NF1: variants seen among roughly 807,000 people sequenced by gnomAD.
NF1 encodes neurofibromin 1.
NF1 carries 122 observed loss-of-function variants against 325.7 expected under a neutral mutation model. That is an observed-to-expected ratio of 0.37 (90% CI 0.32 to 0.44). The LOEUF is 0.44. NF1 is among the 20% of genes least tolerant of loss of function. The pLI is 1.00. For synonymous variants in NF1, 1,091 were observed against 1,186.0 expected (o/e 0.92, Z 1.65); for missense variants, 2,140 against 3,415.4 (o/e 0.63, Z 9.31).
intron 47 of NF1, among the ~76,000 whole-genome samples, chr17:31,341,521 T>G (rs938376034): frequency 1.3e-5 from 2 of 151,620 alleles, no homozygotes; most frequent in African/African-American, 4.8e-5. Context: ...AGACCCTGTC[T>G]CCAAAAAAAA....
intron 36 of NF1, among the ~76,000 whole-genome samples, chr17:31,289,146 A>G (rs1359802930): frequency 6.6e-6 from 1 of 152,206 alleles, no homozygotes; most frequent in Non-Finnish European, 1.5e-5. Context: ...AGGGTTTGAG[A>G]GGGCAAGAAG....
At chr17:31,290,478 C>T (rs2068324145) in intron 36 of NF1, among the ~76,000 whole-genome samples, 2 of 152,100 alleles carry the variant, frequency 1.3e-5, no homozygotes, top group South Asian at 4.2e-4. Context: ...GTTCTAAACA[C>T]TTTATCTGTA....
chr17:31,358,919 A>G lies in NF1; in HGVS notation c.8114-50A>G, dbSNP rs201909375. 125 of 1,495,862 alleles carry G rather than the reference A, an allele frequency of 8.4e-5. No homozygotes were observed. In the African/African-American group the frequency reaches 1.6e-3, roughly 19 times the overall value. 92.7% of individuals were successfully genotyped at this position (1,495,862 alleles called of 1,614,324 possible). ...ATATGACTTATTTAATTTCTGTTAC[A>G]ATTAAAAGATACCTTGCTTGTTATA... is the stretch of plus-strand genomic sequence containing the variant. On this transcript the variant is annotated intron_variant, in intron 55 of 57. Coordinates refer to ENST00000358273, the MANE Select transcript of NF1 (RefSeq NM_001042492.3).
At position 31,117,393 on chromosome 17, in the gene NF1, C is replaced by G. The variant is rs375161491; in HGVS notation, c.60+22024C>G. On this transcript the variant is annotated intron_variant, in intron 1 of 57. Transcript: ENST00000358273. Reference sequence around the variant, plus strand: ...TTCTGTTTAGAATAGTGATTTGCGGCCAGGCGCGGTGGCTCATGCCTGTAA... The same window carrying G: ...TTCTGTTTAGAATAGTGATTTGCGGGCAGGCGCGGTGGCTCATGCCTGTAA... 3.3e-5 allele frequency among the ~76,000 whole-genome samples: 5 copies of G among 151,390 alleles called. No individual in the cohort carries two copies. In the East Asian group the frequency reaches 5.8e-4, roughly 18 times the overall value.
At chr17:31,355,081 T>G (rs1006253412) in intron 51 of NF1, among the ~76,000 whole-genome samples, 3 of 152,160 alleles carry the variant, frequency 2.0e-5, no homozygotes, top group African/African-American at 7.2e-5. Flanking sequence ...AACCACAAGA[T>G]GTACCTGGAA....
chr17:31,279,436 T>C (rs971317308), intron 36 of NF1, among the ~76,000 whole-genome samples: 52 of 152,268 alleles, frequency 3.4e-4, no homozygotes, highest in Non-Finnish European at 8.8e-5. Context: ...TAAAACATTT[T>C]AGTAGTATAT....
intron 36 of NF1, among the ~76,000 whole-genome samples, chr17:31,269,308 C>A (rs1403985320): frequency 6.6e-6 from 1 of 152,126 alleles, no homozygotes; most frequent in Non-Finnish European, 1.5e-5. Context: ...TAATCTTTTC[C>A]TTCTATTCCA....
chr17:31,095,430 A>T, intron 1 of NF1, 61 bp downstream of exon 1: 1 of 1,443,694 alleles, frequency 6.9e-7, no homozygotes, highest in Non-Finnish European at 9.2e-7. Context: ...AGAGTAGGTG[A>T]GGGGAGGTAG....
chr17:31,320,361 G>C, intron 36 of NF1: 1 of 1,532,864 alleles, frequency 6.5e-7, no homozygotes, highest in Non-Finnish European at 8.7e-7. Flanking sequence ...AAAAAAAAAG[G>C]CAGATTCTTA....
rs2070718246 is a variant in NF1 at position 31,375,445 on chromosome 17, A to C, written c.*1290A>C. ...GTGGTATGGATTATCATGGCATTGGAATTTTCATAGTAATGCAGATCCAAT... is the reference window on the plus strand; with the variant it reads ...GTGGTATGGATTATCATGGCATTGGCATTTTCATAGTAATGCAGATCCAAT... On this transcript the variant is annotated 3_prime_UTR_variant, in exon 58 of 58. Coordinates refer to ENST00000358273, the MANE Select transcript of NF1 (RefSeq NM_001042492.3). 1 of 231,824 alleles carries C rather than the reference A, an allele frequency of 4.3e-6. No individual in the cohort carries two copies. Among genetic ancestry groups the C allele is most frequent in the Admixed American group, 5.6e-5 (1 of 17,734 alleles). 14.4% of individuals were successfully genotyped at this position (231,824 alleles called of 1,614,324 possible). A position where few individuals can be genotyped will look rare whatever the true frequency, so the allele number is the denominator to read the frequency against.
chr17:31,341,403 A>T (rs1487407850), intron 47 of NF1, among the ~76,000 whole-genome samples: 1 of 152,010 alleles, frequency 6.6e-6, no homozygotes, highest in Non-Finnish European at 1.5e-5. Context: ...ATGCACCTAC[A>T]ATCCCAGCTA....
At chr17:31,335,085 C>G (rs2151550949) in intron 40 of NF1, 54 bp downstream of exon 40, 2 of 1,470,502 alleles carry the variant, frequency 1.4e-6, no homozygotes, top group Non-Finnish European at 1.9e-6. Context: ...ACATATTTAT[C>G]TGGTGCCACA....
At position 31,142,791 on chromosome 17, in the gene NF1, C is replaced by T. The variant is rs570173542; in HGVS notation, c.61-13192C>T. On this transcript the variant is annotated intron_variant, in intron 1 of 57. Coordinates refer to ENST00000358273, the MANE Select transcript of NF1 (RefSeq NM_001042492.3). ...CTGAGGCAGGAGAATGGCATGAACCCGGGAGGCGGAGCTTGCAGTGAACCG... is the reference window on the plus strand; with the variant it reads ...CTGAGGCAGGAGAATGGCATGAACCTGGGAGGCGGAGCTTGCAGTGAACCG... Among the ~76,000 whole-genome samples the T allele has an allele frequency of 1.8e-3, 276 of 151,802 alleles. 2 individuals carry two copies. Among genetic ancestry groups the T allele is most frequent in the African/African-American group, 6.2e-3 (258 of 41,364 alleles).
intron 5 of NF1, among the ~76,000 whole-genome samples, chr17:31,177,617 C>G (rs538593959): frequency 5.9e-5 from 9 of 151,934 alleles, no homozygotes; most frequent in African/African-American, 2.2e-4. Context: ...AGCTAAGAAC[C>G]TGGAAAAAAG....
intron 3 of NF1, among the ~76,000 whole-genome samples, chr17:31,160,348 A>G (rs2065741317): frequency 6.6e-6 from 1 of 152,186 alleles, no homozygotes; most frequent in South Asian, 2.1e-4. Context: ...TTAGCCTCCC[A>G]AACTCCTGGG....
chr17:31,189,784 G>A (rs368800275), intron 8 of NF1, among the ~76,000 whole-genome samples: 1 of 138,402 alleles, frequency 7.2e-6, no homozygotes, highest in Non-Finnish European at 1.5e-5. Flanking sequence ...TTTTTGAGAC[G>A]GTGTTTCACT....
chr17:31,366,238 AT>A (rs200123320), intron 57 of NF1, among the ~76,000 whole-genome samples: 1 of 151,430 alleles, frequency 6.6e-6, no homozygotes, highest in East Asian at 1.9e-4. Context: ...CTGGCCTAAA[AT>A]TTTTTTTTAC....
chr17:31,114,014 A>C (rs990122471), intron 1 of NF1, among the ~76,000 whole-genome samples: 1 of 152,172 alleles, frequency 6.6e-6, no homozygotes, highest in African/African-American at 2.4e-5. Flanking sequence ...GTTCCTTCTG[A>C]ATATCCTGTT....
chr17:31,204,488 C>G (rs1353532470), intron 11 of NF1, among the ~76,000 whole-genome samples: 6 of 152,062 alleles, frequency 3.9e-5, no homozygotes, highest in Admixed American at 1.3e-4. Context: ...CATTTAGTAA[C>G]TGCTCAAAAT....
Sources: gnomAD v4.1 joint callset for allele counts (sites outside exome capture counted in the v4.1 genomes callset) on GRCh38, gnomAD v4.1.1 for gene constraint, MANE v1.5 for transcripts, NCBI Gene and HGNC (gene_info 2026-07-23, HGNC 2026-07-21) for gene names.